Variants in DOCK1 observed in about 807,000 individuals in gnomAD.
DOCK1 encodes dedicator of cytokinesis protein 1.
In DOCK1, 138 loss-of-function variants were observed where a neutral mutation model predicts 262.7. The ratio of observed to expected loss-of-function variants is 0.53; its 90% CI spans 0.46 to 0.61. DOCK1 has a LOEUF of 0.61. Among genes scored for constraint, DOCK1 ranks in the 20% least tolerant of loss-of-function variants. DOCK1 has a pLI of 0.00. For missense variants in DOCK1, 1,908 were observed against 2,370.7 expected (o/e 0.80, Z 4.05); for synonymous variants, 866 against 867.4 (o/e 1.00, Z 0.03).
intron 43 of DOCK1, among the ~76,000 whole-genome samples, chr10:127,414,669 C>T (rs1425123208): frequency 3.3e-5 from 5 of 152,130 alleles, no homozygotes; most frequent in African/African-American, 9.7e-5. Context: ...TACGTCAAAA[C>T]ATTTTAAAGT....
In DOCK1 at chr10:126,916,908, G is replaced by A. The variant is rs577268644; in HGVS notation, c.46+11345G>A. On this transcript the variant is annotated intron_variant, in intron 1 of 51. Coordinates refer to ENST00000623213, the MANE Select transcript of DOCK1 (RefSeq NM_001290223.2). ...TTGTCACAGTGCAGAGAGACAGGTG[G>A]GAGCTGTGTGAGGCCAGCGGTGTTT... is the stretch of plus-strand genomic sequence containing the variant. Among the ~76,000 whole-genome samples, 5 of 148,632 alleles carry A rather than the reference G, an allele frequency of 3.4e-5. 2 individuals are homozygous for A. Among genetic ancestry groups the A allele is most frequent in the South Asian group, 4.4e-4 (2 of 4,546 alleles).
intron 48 of DOCK1, among the ~76,000 whole-genome samples, chr10:127,433,752 T>C (rs2069464410): frequency 6.6e-6 from 1 of 152,076 alleles, no homozygotes; most frequent in South Asian, 2.1e-4. Flanking sequence ...ACGGGCCACA[T>C]GCAGCCCAGG....
chr10:127,378,610 G>A (rs1018776691), intron 35 of DOCK1, among the ~76,000 whole-genome samples: 52 of 152,218 alleles, frequency 3.4e-4, no homozygotes, highest in African/African-American at 1.2e-3. Flanking sequence ...TCGTATCTCC[G>A]AGAGAGGAAT....
intron 22 of DOCK1, among the ~76,000 whole-genome samples, chr10:127,057,276 G>A (rs2045224732): frequency 6.6e-6 from 1 of 152,114 alleles, no homozygotes; most frequent in Non-Finnish European, 1.5e-5. Flanking sequence ...TCATGAGTGT[G>A]TTTTCCTTTT....
At chr10:127,429,003 A>ATGTGGATTGGGG (rs2069077175) in intron 47 of DOCK1, among the ~76,000 whole-genome samples, 2 of 35,910 alleles carry the variant, frequency 5.6e-5, no homozygotes, top group African/African-American at 1.3e-4. Flanking sequence ...GTGGATTGGG[A>ATGTGGATTGGGG]TGCCGTGTGG....
intron 12 of DOCK1, among the ~76,000 whole-genome samples, chr10:127,016,263 C>G (rs1023931540): frequency 1.1e-4 from 16 of 152,074 alleles, no homozygotes; most frequent in Non-Finnish European, 1.8e-4. Flanking sequence ...TAGAGGGACT[C>G]ACTAGATAGC....
chr10:127,042,891 CTG>C (rs2044113360), intron 20 of DOCK1, among the ~76,000 whole-genome samples, 171 bp from the exon 21 acceptor site: 1 of 151,954 alleles, frequency 6.6e-6, no homozygotes, highest in Non-Finnish European at 1.5e-5. Flanking sequence ...AAATGTAAAA[CTG>C]TAGTTAGGCA....
At chr10:127,170,765 A>G (rs182246356) in intron 27 of DOCK1, among the ~76,000 whole-genome samples, 111 of 152,260 alleles carry the variant, frequency 7.3e-4, no homozygotes, top group Non-Finnish European at 1.3e-3. Context: ...TTAGCCTTCA[A>G]TGACTCCCAT....
rs774144988 is a variant in DOCK1 at position 126,905,544 on chromosome 10, C to G, written c.27C>G (p.Arg9=). ...TGACGCGCTGGGTGCCCACCAAGCG[C>G]GAGGAGAAGTACGGCGTGGGTGAGC... MTRWVPTK[R]EEKYGVAFYN... Residue 9 remains arginine, a synonymous_variant, in exon 1 of 52, where the codon CGC becomes CGG. Transcript: ENST00000623213. The G allele has an allele frequency of 4.0e-6, 2 of 501,116 alleles. No homozygotes were observed. The highest frequency in any genetic ancestry group is 2.6e-5 in the South Asian group (1 of 38,436). The allele number at this position is 501,116 out of a possible 1,614,324, so 31.0% of individuals were successfully genotyped here. A position where few individuals can be genotyped will look rare whatever the true frequency, so the allele number is the denominator to read the frequency against.
chr10:127,389,207 C>A (rs2066322424), intron 38 of DOCK1, among the ~76,000 whole-genome samples: 1 of 152,162 alleles, frequency 6.6e-6, no homozygotes, highest in Non-Finnish European at 1.5e-5. Flanking sequence ...AGGGGGCACA[C>A]AGTAGAAGCT....
Position 127,451,525 on chromosome 10 carries a change from G to C in DOCK1, c.*98G>C. ...GTCTGCTGTTTACCTCATTGGGCCT[G>C]TGATGTTAACATTTCGTGCGACTGC... On this transcript the variant is annotated 3_prime_UTR_variant, in exon 52 of 52. Transcript: ENST00000623213. 6.5e-7 allele frequency: 1 copy of C among 1,534,096 alleles called. No individual in the cohort carries two copies. The highest frequency in any genetic ancestry group is 8.8e-7 in the Non-Finnish European group (1 of 1,141,510).
chr10:126,958,345 A>G (rs965981491), intron 1 of DOCK1, among the ~76,000 whole-genome samples: 18 of 152,270 alleles, frequency 1.2e-4, no homozygotes, highest in African/African-American at 4.3e-4. Flanking sequence ...ATACGCAGGA[A>G]TGTTGCTGCT....
At position 127,339,107 on chromosome 10, in the gene DOCK1, C is replaced by T. The variant is rs760416485; in HGVS notation, c.3123+23C>T. 7.1e-6 allele frequency: 11 copies of T among 1,546,526 alleles called. No individual in the cohort carries two copies. In the East Asian group the frequency reaches 2.2e-4, roughly 30 times the overall value. ...CAGGTAAGAGAAGAGGTAGACACGA[C>T]CTTTGTGGAGAAATCATGTTAAAAC... is the stretch of plus-strand genomic sequence containing the variant. On this transcript the variant is annotated intron_variant, in intron 30 of 51. Coordinates refer to ENST00000623213, the MANE Select transcript of DOCK1 (RefSeq NM_001290223.2).
chr10:127,435,561 A>T lies in DOCK1; in HGVS notation c.5060+2133A>T, dbSNP rs181864982. ...TCACTTACAGCAAGATTGCTAAAGAAATTTAATTCAACTTCTCCCCGAGAA... is the reference window on the plus strand; with the variant it reads ...TCACTTACAGCAAGATTGCTAAAGATATTTAATTCAACTTCTCCCCGAGAA... On this transcript the variant is annotated intron_variant, in intron 48 of 51. Coordinates refer to ENST00000623213, the MANE Select transcript of DOCK1 (RefSeq NM_001290223.2). Among the ~76,000 whole-genome samples the T allele has an allele frequency of 9.2e-3, 1,394 of 152,166 alleles. 22 individuals are homozygous for T. The highest frequency in any genetic ancestry group is 0.032 in the African/African-American group (1,314 of 41,396).
chr10:127,252,875 T>C (rs1206231656), intron 28 of DOCK1, among the ~76,000 whole-genome samples: 2 of 152,160 alleles, frequency 1.3e-5, no homozygotes, highest in African/African-American at 4.8e-5. Context: ...TGCGGGCTCT[T>C]TTTTGGTTCT....
chr10:127,350,591 A>G (rs1339285849), intron 31 of DOCK1, among the ~76,000 whole-genome samples: 1 of 152,214 alleles, frequency 6.6e-6, no homozygotes, highest in Non-Finnish European at 1.5e-5. Context: ...TGGCTTTTGC[A>G]GAAACAATTC....
intron 19 of DOCK1, among the ~76,000 whole-genome samples, chr10:127,038,056 A>G (rs2043769104): frequency 6.6e-6 from 1 of 151,924 alleles, no homozygotes; most frequent in Non-Finnish European, 1.5e-5. Context: ...CAACATGGAG[A>G]AACCCCGTCT....
chr10:126,970,314 A>G (rs2038003219), intron 1 of DOCK1, among the ~76,000 whole-genome samples: 1 of 152,212 alleles, frequency 6.6e-6, no homozygotes, highest in African/African-American at 2.4e-5. Context: ...TAATATCAAC[A>G]TTGCTATATG....
At chr10:127,203,377 C>T (rs978609016) in intron 27 of DOCK1, among the ~76,000 whole-genome samples, 1 of 152,096 alleles carries the variant, frequency 6.6e-6, no homozygotes, top group African/African-American at 2.4e-5. Context: ...TTCTAATTAC[C>T]TACCCTTGAC....
Sources: allele counts gnomAD v4.1 joint callset (sites outside exome capture counted in the v4.1 genomes callset), GRCh38; gene constraint gnomAD v4.1.1; transcripts MANE v1.5; gene names NCBI Gene and HGNC (gene_info 2026-07-23, HGNC 2026-07-21).